NAALADL2: variants seen among roughly 807,000 people sequenced by gnomAD.
NAALADL2 encodes N-acetylated alpha-linked acidic dipeptidase like 2, also known as inactive N-acetylated-alpha-linked acidic dipeptidase-like protein 2.
In NAALADL2, 76 loss-of-function variants were observed where a neutral mutation model predicts 87.2. That is an observed-to-expected ratio of 0.87 (90% confidence interval 0.72 to 1.05). The LOEUF (loss-of-function observed/expected upper bound fraction) is 1.05, where lower values mean the gene tolerates loss of function less well. NAALADL2 is among the 50% of genes least tolerant of loss of function. The probability of loss-of-function intolerance (pLI) is 0.00; values close to 1 mark genes in which losing one functional copy is unlikely to be tolerated. For synonymous variants in NAALADL2, 354 were observed against 331.0 expected (o/e 1.07, Z -0.75); for missense variants, 1,089 against 945.8 (o/e 1.15, Z -1.99).
chr3:175,063,163 A>C (rs1713864160), intron 1 of NAALADL2, among the ~76,000 whole-genome samples: 1 of 152,092 alleles, frequency 6.6e-6, no homozygotes. Flanking sequence ...ATTATAATGC[A>C]AAGGTGAACA....
intron 11 of NAALADL2, chr3:175,674,942 A>G (rs940414743): frequency 1.3e-5 from 2 of 152,214 alleles, no homozygotes; most frequent in African/African-American, 4.8e-5. Flanking sequence ...TTAATAGCAA[A>G]GAAGCAAAGT....
intron 1 of NAALADL2, among the ~76,000 whole-genome samples, chr3:174,911,352 G>C (rs1029576303): frequency 1.3e-5 from 2 of 152,116 alleles, no homozygotes; most frequent in African/African-American, 4.8e-5. Flanking sequence ...AAATATTTGT[G>C]CATTTGGTTA....
intron 6 of NAALADL2, among the ~76,000 whole-genome samples, chr3:175,448,157 A>G (rs1223617865): frequency 2.6e-5 from 4 of 152,242 alleles, no homozygotes; most frequent in African/African-American, 9.6e-5. Flanking sequence ...AAAAATCTGA[A>G]TACATTAAGG....
At chr3:174,523,110 C>T (rs1720434539) in intron 1 of NAALADL2, among the ~76,000 whole-genome samples, 1 of 152,068 alleles carries the variant, frequency 6.6e-6, no homozygotes, top group Non-Finnish European at 1.5e-5. Context: ...ACATTTTAGC[C>T]TCCAGAACTG....
At chr3:175,373,120 G>T (rs2148956689) in intron 5 of NAALADL2, among the ~76,000 whole-genome samples, 1 of 152,224 alleles carries the variant, frequency 6.6e-6, no homozygotes, top group East Asian at 1.9e-4. Context: ...GGAATGAATT[G>T]AAGCTCAGAT....
chr3:175,374,553 GAAAAAAAAAAAAAAAAAAAAAA>G (rs765485400), intron 5 of NAALADL2, among the ~76,000 whole-genome samples: 1 of 45,394 alleles, frequency 2.2e-5, no homozygotes, highest in Non-Finnish European at 4.2e-5. Flanking sequence ...TGCATCTCCA[GAAAAAAAAAAAAAAAAAAAAAA>G]AAAAAAAAAA....
chr3:175,278,883 G>T (rs370237773), intron 4 of NAALADL2, among the ~76,000 whole-genome samples: 1 of 152,036 alleles, frequency 6.6e-6, no homozygotes, highest in Non-Finnish European at 1.5e-5. Flanking sequence ...TGTATCCAGG[G>T]AAACTTATGA....
chr3:175,389,941 T>C (rs537358402), intron 5 of NAALADL2, among the ~76,000 whole-genome samples: 3 of 152,322 alleles, frequency 2.0e-5, no homozygotes, highest in South Asian at 4.1e-4. Context: ...GATTCCATGG[T>C]AAACTTGGTA....
At chr3:174,478,200 T>C (rs375775779) in intron 1 of NAALADL2, among the ~76,000 whole-genome samples, 18 of 152,144 alleles carry the variant, frequency 1.2e-4, no homozygotes, top group African/African-American at 3.4e-4. Flanking sequence ...GAAATATTTG[T>C]CTCATATTTT....
intron 2 of NAALADL2, among the ~76,000 whole-genome samples, chr3:174,710,164 C>T (rs767286635): frequency 6.6e-6 from 1 of 150,678 alleles, no homozygotes; most frequent in Non-Finnish European, 1.5e-5. Context: ...TAAATAAGAT[C>T]TCAAATCAGT....
intron 1 of NAALADL2, among the ~76,000 whole-genome samples, chr3:174,860,212 A>G (rs1467548600): frequency 6.6e-6 from 1 of 152,166 alleles, no homozygotes; most frequent in Non-Finnish European, 1.5e-5. Flanking sequence ...ATAGATCTGC[A>G]TGATCCTAAA....
chr3:175,237,970 G>C (rs1293191914), intron 3 of NAALADL2, among the ~76,000 whole-genome samples: 1 of 152,036 alleles, frequency 6.6e-6, no homozygotes, highest in African/African-American at 2.4e-5. Flanking sequence ...GAACCAACCA[G>C]TGGTTTTATC....
chr3:174,584,450 T>C (rs1716492441), intron 2 of NAALADL2, among the ~76,000 whole-genome samples: 1 of 152,070 alleles, frequency 6.6e-6, no homozygotes, highest in African/African-American at 2.4e-5. Context: ...ATCAGATTTA[T>C]TTTTCTTTTT....
At chr3:175,055,086 A>G (rs1161867242) in intron 1 of NAALADL2, among the ~76,000 whole-genome samples, 2 of 152,116 alleles carry the variant, frequency 1.3e-5, no homozygotes, top group Non-Finnish European at 2.9e-5. Flanking sequence ...TATCTACCAA[A>G]CCCTTAAATT....
intron 1 of NAALADL2, among the ~76,000 whole-genome samples, chr3:175,072,855 C>A (rs971748601): frequency 6.6e-6 from 1 of 151,410 alleles, no homozygotes; most frequent in Middle Eastern, 3.4e-3. Flanking sequence ...AGAAAAAAAA[C>A]GAAAAATGGA....
At chr3:175,130,454 T>G (rs1313180204) in intron 2 of NAALADL2, among the ~76,000 whole-genome samples, 2 of 152,198 alleles carry the variant, frequency 1.3e-5, no homozygotes, top group Admixed American at 6.5e-5. Context: ...CTATGTTTTC[T>G]TCTAGGAGTT....
chr3:174,592,946 A>G (rs1717531270), intron 2 of NAALADL2, among the ~76,000 whole-genome samples: 1 of 152,052 alleles, frequency 6.6e-6, no homozygotes, highest in Non-Finnish European at 1.5e-5. Flanking sequence ...AGAAAGAGGA[A>G]GAAAGGAAGA....
chr3:174,509,946 A>G (rs754884854), intron 1 of NAALADL2, among the ~76,000 whole-genome samples: 35 of 152,092 alleles, frequency 2.3e-4, no homozygotes, highest in Admixed American at 1.7e-3. Flanking sequence ...TAAAATATTT[A>G]TCATGAATAG....
intron 1 of NAALADL2, among the ~76,000 whole-genome samples, chr3:175,064,819 C>T (rs891440197): frequency 6.6e-6 from 1 of 152,074 alleles, no homozygotes; most frequent in Non-Finnish European, 1.5e-5. Context: ...GAAATCCTTC[C>T]CGGTGGAGCT....
Sources: allele counts gnomAD v4.1 joint callset (sites outside exome capture counted in the v4.1 genomes callset), GRCh38; gene constraint gnomAD v4.1.1; transcripts MANE v1.5; gene names NCBI Gene and HGNC (gene_info 2026-07-23, HGNC 2026-07-21).